The following ATOH8 variants were observed in gnomAD, a reference collection of about 807,000 sequenced individuals.
The protein encoded by ATOH8 is transcription factor ATOH8.
ATOH8 carries 9 observed loss-of-function variants against 21.2 expected under a neutral mutation model. The observed-to-expected ratio is 0.42, with a 90% CI of 0.26 to 0.74. ATOH8 has a LOEUF of 0.74. Ranked by LOEUF, ATOH8 falls within the 30% of genes least tolerant of loss-of-function variation. The pLI, the probability that ATOH8 is intolerant of heterozygous loss-of-function variation, is 0.24. For missense variants in ATOH8, 524 were observed against 470.9 expected (o/e 1.11, Z -1.04); for synonymous variants, 253 against 224.0 (o/e 1.13, Z -1.16).
rs1462320343 is a variant in ATOH8 at position 85,764,056 on chromosome 2, C to T, written c.834C>T (p.Tyr278=). 3 of 1,614,212 alleles carry T rather than the reference C, an allele frequency of 1.9e-6. No homozygotes were observed. Among genetic ancestry groups the T allele is most frequent in the Non-Finnish European group, 2.5e-6 (3 of 1,180,038 alleles). ...CCATCCTGAGGATCGCCTGTAACTA[C>T]ATCCTGTCCCTGGCGCGGCTGGCTG... ...KLAILRIACN[Y]ILSLARLADL... The change falls in exon 2 of 3, where the codon TAC becomes TAT. Residue 278 remains tyrosine (Y), a synonymous_variant. Transcript: ENST00000306279.
intron 2 of ATOH8, among the ~76,000 whole-genome samples, chr2:85,786,098 G>A (rs1680615603): frequency 1.3e-5 from 2 of 152,190 alleles, no homozygotes; most frequent in Admixed American, 1.3e-4. Flanking sequence ...GGATTGCACA[G>A]ATCAGGGCTG....
At position 85,754,581 on chromosome 2, in the gene ATOH8, C is replaced by A. The variant is rs1017340165; in HGVS notation, c.392C>A (p.Ala131Glu). 1.6e-5 allele frequency: 23 copies of A among 1,448,342 alleles called. No homozygotes were observed. The highest frequency in any genetic ancestry group is 4.1e-4 in the Middle Eastern group (2 of 4,824). The allele number at this position is 1,448,342 out of a possible 1,614,324, so 89.7% of individuals were successfully genotyped here. A position where few individuals can be genotyped will look rare whatever the true frequency, so the allele number is the denominator to read the frequency against. ...LPTPPPPPPP[A>E]PQSQAPGGPE... Reference sequence around the variant, plus strand: ...ACGCCGCCGCCGCCGCCGCCTCCTGCGCCCCAGAGCCAGGCACCTGGGGGC... The same window carrying A: ...ACGCCGCCGCCGCCGCCGCCTCCTGAGCCCCAGAGCCAGGCACCTGGGGGC... The change falls in exon 1 of 3, where the codon GCG becomes GAG. Residue 131 changes from alanine (A) to glutamate (E), a missense_variant. Transcript: ENST00000306279.
chr2:85,771,811 AC>A (rs1251016948), intron 2 of ATOH8, among the ~76,000 whole-genome samples: 6 of 151,942 alleles, frequency 3.9e-5, no homozygotes, highest in African/African-American at 1.5e-4. Context: ...CATTATCTCT[AC>A]CCCGTGTTAT....
At chr2:85,755,227 C>T (rs1313497589) in intron 1 of ATOH8, among the ~76,000 whole-genome samples, 1 of 152,242 alleles carries the variant, frequency 6.6e-6, no homozygotes, top group Non-Finnish European at 1.5e-5. Context: ...CTTCAGCCTC[C>T]ATAGTTCACT....
At chr2:85,774,572 C>T (rs1188272147) in intron 2 of ATOH8, 2 of 985,492 alleles carry the variant, frequency 2.0e-6, no homozygotes, top group African/African-American at 1.7e-5. Context: ...GCCACCGGCG[C>T]CTGTCTTAGC....
In ATOH8 at chr2:85,754,065, G is replaced by T; in HGVS notation, c.-125G>T. On this transcript the variant is annotated 5_prime_UTR_variant, in exon 1 of 3. Transcript: ENST00000306279. Reference sequence around the variant, plus strand: ...AGCCGGCGGCGCAGCTGCCCGGGGCGAGGGGGAGAAAGGGAGAGAGGGAGG... The same window carrying T: ...AGCCGGCGGCGCAGCTGCCCGGGGCTAGGGGGAGAAAGGGAGAGAGGGAGG... 8.3e-7 allele frequency: 1 copy of T among 1,207,740 alleles called. No individual in the cohort carries two copies. The highest frequency in any genetic ancestry group is 1.1e-6 in the Non-Finnish European group (1 of 924,018). 74.8% of individuals were successfully genotyped at this position (1,207,740 alleles called of 1,614,324 possible).
chr2:85,759,526 C>A (rs4832194), intron 1 of ATOH8, among the ~76,000 whole-genome samples: 62,795 of 151,936 alleles, frequency 0.41, 14,256 homozygotes, highest in Non-Finnish European at 0.52. Context: ...TGTGGCCTGT[C>A]TGACCCTGGG....
At chr2:85,763,473 A>T (rs1164268139) in intron 1 of ATOH8, among the ~76,000 whole-genome samples, 1 of 152,124 alleles carries the variant, frequency 6.6e-6, no homozygotes, top group Non-Finnish European at 1.5e-5. Flanking sequence ...CTGAGCACTG[A>T]CACTTTCCTT....
At chr2:85,765,854 A>T (rs12478164) in intron 2 of ATOH8, among the ~76,000 whole-genome samples, 53,208 of 152,058 alleles carry the variant, frequency 0.35, 9,798 homozygotes, top group East Asian at 0.5. Flanking sequence ...GAGGCCCGAC[A>T]GAGCCGAGCT....
Position 85,754,926 on chromosome 2 carries a change from T to TCAGCG in ATOH8, c.742_746dup (p.Phe250GlnfsTer25). ...AGGGAGCGGACGCGGGTGCACACCA[T>TCAGCG]CAGCGCAGCCTTCGAGGCGCTCAGG... On this transcript the variant is annotated frameshift_variant, in exon 1 of 3. Coordinates refer to ENST00000306279, the MANE Select transcript of ATOH8 (RefSeq NM_032827.7). LOFTEE classifies it high-confidence loss of function. 1 of 1,605,506 alleles carries TCAGCG rather than the reference T, an allele frequency of 6.2e-7. No individual in the cohort carries two copies. The highest frequency in any genetic ancestry group is 8.5e-7 in the Non-Finnish European group (1 of 1,178,776).
chr2:85,755,036 T>C (rs1679645313), intron 1 of ATOH8, 79 bp downstream of exon 1: 3 of 1,468,556 alleles, frequency 2.0e-6, no homozygotes, highest in South Asian at 1.4e-5. Context: ...CGGGGCGGGA[T>C]AGAGGTGTGT....
chr2:85,772,589 G>A (rs1266371008), intron 2 of ATOH8: 1 of 412,644 alleles, frequency 2.4e-6, no homozygotes, highest in African/African-American at 2.1e-5. Flanking sequence ...GCTCTCCCCT[G>A]GCCATCTGTT....
At position 85,754,915 on chromosome 2, in the gene ATOH8, G is replaced by T; in HGVS notation, c.726G>T (p.Arg242=). The T allele has an allele frequency of 6.2e-7, 1 of 1,608,428 alleles. No homozygotes were observed. The highest frequency in any genetic ancestry group is 8.5e-7 in the Non-Finnish European group (1 of 1,179,542). The change falls in exon 1 of 3, where the codon CGG becomes CGT. Residue 242 remains arginine (R), a synonymous_variant. Coordinates refer to ENST00000306279, the MANE Select transcript of ATOH8 (RefSeq NM_032827.7). Reference sequence around the variant, plus strand: ...TGGCGAACGCCAGGGAGCGGACGCGGGTGCACACCATCAGCGCAGCCTTCG... The same window carrying T: ...TGGCGAACGCCAGGGAGCGGACGCGTGTGCACACCATCAGCGCAGCCTTCG... The part of the protein sequence containing the change: ...RLLANARERT[R]VHTISAAFEA...
Position 85,786,789 on chromosome 2 carries a change from G to A in ATOH8, c.961-96G>A. The A allele has an allele frequency of 2.5e-6, 4 of 1,589,214 alleles. No individual in the cohort carries two copies. The South Asian group carries it at 4.4e-5, about 18-fold the overall frequency. ...AACCCTTCAAGGTGGGGGCCCCTCTGCCTGGAGGACTCAGTGAAGGGACAT... is the reference window on the plus strand; with the variant it reads ...AACCCTTCAAGGTGGGGGCCCCTCTACCTGGAGGACTCAGTGAAGGGACAT... On this transcript the variant is annotated intron_variant, in intron 2 of 2. Transcript: ENST00000306279.
intron 2 of ATOH8, among the ~76,000 whole-genome samples, chr2:85,771,006 G>A (rs6719105): frequency 0.82 from 124,446 of 151,896 alleles, 51,351 homozygotes; most frequent in African/African-American, 0.91. Context: ...AACCCCCTGG[G>A]GCACCTCTGA....
chr2:85,763,716 T>C (rs1172263310), intron 1 of ATOH8, among the ~76,000 whole-genome samples: 1 of 152,096 alleles, frequency 6.6e-6, no homozygotes, highest in African/African-American at 2.4e-5. Context: ...GTCGTGGAAA[T>C]TCACTGAACT....
chr2:85,763,916 A>G, intron 1 of ATOH8, 75 bp from the exon 2 acceptor site: 3 of 1,438,720 alleles, frequency 2.1e-6, no homozygotes, highest in East Asian at 4.9e-5. Context: ...GATATACCAT[A>G]GACAGGCCGT....
At chr2:85,784,675 C>T (rs1680578570) in intron 2 of ATOH8, among the ~76,000 whole-genome samples, 1 of 152,174 alleles carries the variant, frequency 6.6e-6, no homozygotes, top group South Asian at 2.1e-4. Flanking sequence ...GTGGTATTTC[C>T]CAAACTCATG....
At chr2:85,755,172 C>T (rs950685967) in intron 1 of ATOH8, among the ~76,000 whole-genome samples, 2 of 152,254 alleles carry the variant, frequency 1.3e-5, no homozygotes, top group African/African-American at 4.8e-5. Flanking sequence ...GAGCACCCCC[C>T]GCCCTCAACC....
Sources: gnomAD v4.1 joint callset for allele counts (sites outside exome capture counted in the v4.1 genomes callset) on GRCh38, gnomAD v4.1.1 for gene constraint, MANE v1.5 for transcripts, NCBI Gene and HGNC (gene_info 2026-07-23, HGNC 2026-07-21) for gene names.